DNASE1: variants seen among roughly 807,000 people sequenced by gnomAD.
DNASE1 encodes deoxyribonuclease 1.
Under a neutral mutation model 33.9 loss-of-function variants are expected in DNASE1, and 40 were observed. The observed-to-expected ratio is 1.18, with a 90% CI of 0.92 to 1.54. The LOEUF is 1.54. DNASE1 is among the 40% of genes most tolerant of loss of function. The probability of loss-of-function intolerance (pLI) is 0.00; values close to 1 mark genes in which losing one functional copy is unlikely to be tolerated. For missense variants in DNASE1, 518 were observed against 372.6 expected, an observed-to-expected ratio of 1.39 and a Z score of -3.21; for synonymous variants, 216 against 160.0, an observed-to-expected ratio of 1.35 and a Z score of -2.64.
intron 1 of DNASE1, among the ~76,000 whole-genome samples, chr16:3,645,697 G>T (rs996680151): frequency 6.6e-6 from 1 of 152,220 alleles, no homozygotes; most frequent in Non-Finnish European, 1.5e-5. Flanking sequence ...GGGGCGGTCT[G>T]CTGCCTGCTG....
At chr16:3,659,767 A>AGAT (rs1350795857), downstream of DNASE1, 1 of 151,484 alleles carries the variant, frequency 6.6e-6, no homozygotes, top group East Asian at 2.0e-4. Flanking sequence ...ATAGATAGAT[A>AGAT]GATAGATAGA....
intron 1 of DNASE1, among the ~76,000 whole-genome samples, chr16:3,616,830 A>G (rs894345045): frequency 2.6e-5 from 4 of 152,208 alleles, no homozygotes; most frequent in Non-Finnish European, 5.9e-5. Flanking sequence ...TTGAGAGTCT[A>G]GAAATAAACC....
Position 3,655,871 on chromosome 16 carries a change from C to T in DNASE1, c.170C>T (p.Ala57Val). 6.2e-7 allele frequency: 1 copy of T among 1,613,854 alleles called. No homozygotes were observed. Reference protein sequence around the residue: ...IVQILSRYDIALVQEVRDSHL... With the variant: ...IVQILSRYDIVLVQEVRDSHL... ...CAGATCCTGAGCCGCTATGACATCG[C>T]CCTGGTCCAGGAGGTCAGAGACAGC... Residue 57 changes from alanine (A) to valine (V), a missense_variant, in exon 3 of 9, where the codon GCC (alanine) becomes GTC (valine). By Grantham distance (64) the Ala-to-Val change is moderately conservative. Coordinates refer to ENST00000246949, the MANE Select transcript of DNASE1 (RefSeq NM_005223.4).
downstream of DNASE1, chr16:3,659,016 A>ACCT (rs1266383141): frequency 1.4e-5 from 10 of 732,590 alleles, no homozygotes; most frequent in Non-Finnish European, 2.2e-5. Context: ...TTTATAGATA[A>ACCT]TATCATTATA....
rs114579045 is a variant in DNASE1, at chr16:3,656,237, A to G, written c.320+52A>G. 8.1e-4 allele frequency: 1,270 copies of G among 1,563,112 alleles called. 5 individuals are homozygous for G. The African/African-American group carries it at 0.015, about 18-fold the overall frequency. ...CCCTCCCTCACCTGGGAGGGCCCCA[A>G]CAGAGCAGGGAAGTAGTTTGTCCTA... is the stretch of plus-strand genomic sequence containing the variant. On this transcript the variant is annotated intron_variant, in intron 4 of 8. Transcript: ENST00000246949.
chr16:3,637,266 G>A (rs1312296352), intron 1 of DNASE1, among the ~76,000 whole-genome samples: 1 of 152,182 alleles, frequency 6.6e-6, no homozygotes, highest in Non-Finnish European at 1.5e-5. Context: ...TCCTGGGTCT[G>A]TTTTTCCTTC....
intron 1 of DNASE1, among the ~76,000 whole-genome samples, chr16:3,636,395 G>C (rs752268020): frequency 6.6e-6 from 1 of 152,138 alleles, no homozygotes; most frequent in Non-Finnish European, 1.5e-5. Flanking sequence ...GTTGTTAGCT[G>C]TGATAATTCT....
At chr16:3,645,978 C>G (rs2042161350) in intron 1 of DNASE1, among the ~76,000 whole-genome samples, 1 of 151,856 alleles carries the variant, frequency 6.6e-6, no homozygotes, top group Admixed American at 6.6e-5. Flanking sequence ...AGCCCTTTGT[C>G]CTCTAAGATG....
intron 1 of DNASE1, among the ~76,000 whole-genome samples, chr16:3,620,149 C>G (rs1310626533): frequency 6.6e-6 from 1 of 152,020 alleles, no homozygotes; most frequent in Non-Finnish European, 1.5e-5. Flanking sequence ...CTCCTGACCT[C>G]AAGTGATCCA....
chr16:3,649,034 C>G (rs544051279), intron 1 of DNASE1, among the ~76,000 whole-genome samples: 1 of 152,302 alleles, frequency 6.6e-6, no homozygotes, highest in East Asian at 1.9e-4. Flanking sequence ...GAACGTGAGC[C>G]TCTGTCCTTG....
In DNASE1 at chr16:3,616,105, A is replaced by C. The variant is rs146121380; in HGVS notation, c.-1359+4099A>C. Among the ~76,000 whole-genome samples the C allele has an allele frequency of 2.3e-4, 35 of 152,316 alleles. No homozygotes were observed. The East Asian group carries it at 6.8e-3, about 29-fold the overall frequency. On this transcript the variant is annotated intron_variant and NMD_transcript_variant, in intron 1 of 11. Transcript: ENST00000570769. ...GGAAATAACTGTTTTTACGTGTATA[A>C]GTATACAAAAGTTATTCGAGATGAG...
chr16:3,660,522 ACAAAACTAGTTTGCCAC>A (rs1221293686), downstream of DNASE1: 7 of 152,098 alleles, frequency 4.6e-5, no homozygotes, highest in African/African-American at 1.7e-4. Flanking sequence ...CAGCTATCTC[ACAAAACTAGTTTGCCAC>A]CAAAACTAGT....
upstream of DNASE1, chr16:3,652,359 A>G (rs1230405185): frequency 6.6e-6 from 1 of 152,322 alleles, no homozygotes; most frequent in Non-Finnish European, 1.5e-5. Flanking sequence ...GCCGCCCTCT[A>G]GCTTTACTCC....
downstream of DNASE1, chr16:3,662,645 G>T (rs545298417): frequency 1.2e-5 from 8 of 678,372 alleles, no homozygotes; most frequent in East Asian, 1.1e-4. Flanking sequence ...TGGTTTTTCA[G>T]TTCTCAGTTC....
chr16:3,658,281 A>AT (rs35081909), downstream of DNASE1: 143,163 of 1,184,818 alleles, frequency 0.12, 1,161 homozygotes, highest in South Asian at 0.16. Flanking sequence ...GCACCTTTTC[A>AT]TTTTTTTTTT....
intron 1 of DNASE1, among the ~76,000 whole-genome samples, chr16:3,612,600 G>T (rs1322947135): frequency 7.0e-6 from 1 of 142,680 alleles, no homozygotes; most frequent in Admixed American, 6.9e-5. Flanking sequence ...GCGGGGGGGG[G>T]AGTCTCACTA....
rs761406088 is a variant in DNASE1 at position 3,657,188 on chromosome 16, A to C, written c.551A>C (p.Asp184Ala). 8.7e-6 allele frequency: 14 copies of C among 1,613,866 alleles called. No homozygotes were observed. Among genetic ancestry groups the C allele is most frequent in the Middle Eastern group, 3.3e-4 (2 of 6,084 alleles). Residue 184 changes from aspartate (D) to alanine (A), a missense_variant and splice_region_variant, in exon 7 of 9, where the codon GAC (aspartate) becomes GCC (alanine). By Grantham distance (126) the Asp-to-Ala change is moderately radical. Transcript: ENST00000246949. ...LDVQEKWGLE[D>A]VMLMGDFNAG... ...GCCACAGGCAGCGTTTCCTGGTAGGACGTCATGTTGATGGGCGACTTCAAT... is the reference window on the plus strand; with the variant it reads ...GCCACAGGCAGCGTTTCCTGGTAGGCCGTCATGTTGATGGGCGACTTCAAT...
rs1212203875 is a variant in DNASE1 at position 3,655,013 on chromosome 16, C to T, written c.-33C>T. ...TATTCCAGATTCTTGACAGCATTCT[C>T]GTCATCTCTGAGGACATCACCATCA... On this transcript the variant is annotated 5_prime_UTR_variant, in exon 1 of 9. Coordinates refer to ENST00000246949, the MANE Select transcript of DNASE1 (RefSeq NM_005223.4). 8 of 496,080 alleles carry T rather than the reference C, an allele frequency of 1.6e-5. No individual in the cohort carries two copies. Among genetic ancestry groups the T allele is most frequent in the South Asian group, 7.9e-5 (2 of 25,348 alleles). The allele number at this position is 496,080 out of a possible 1,614,324, so 30.7% of individuals were successfully genotyped here. A position where few individuals can be genotyped will look rare whatever the true frequency, so the allele number is the denominator to read the frequency against.
intron 1 of DNASE1, among the ~76,000 whole-genome samples, chr16:3,617,326 CAAAAAA>C (rs56670885): frequency 2.3e-3 from 135 of 57,694 alleles, no homozygotes; most frequent in African/African-American, 9.8e-3. Context: ...AACTCCATCT[CAAAAAA>C]AAAAAAAAAA....
Sources: gnomAD v4.1 joint callset for allele counts (sites outside exome capture counted in the v4.1 genomes callset) on GRCh38, gnomAD v4.1.1 for gene constraint, MANE v1.5 for transcripts, NCBI Gene and HGNC (gene_info 2026-07-23, HGNC 2026-07-21) for gene names.